Variants in AUTS2 observed in about 807,000 individuals in gnomAD.
AUTS2 encodes autism susceptibility gene 2 protein.
AUTS2 carries 17 observed loss-of-function variants against 112.4 expected under a neutral mutation model. The observed-to-expected ratio is 0.15, with a 90% CI of 0.10 to 0.23. The LOEUF (loss-of-function observed/expected upper bound fraction) is 0.23. Among genes scored for constraint, AUTS2 ranks in the 10% least tolerant of loss-of-function variants. The probability of loss-of-function intolerance (pLI) is 1.00; values close to 1 mark genes in which losing one functional copy is unlikely to be tolerated. For missense variants in AUTS2, 1,510 were observed against 1,701.6 expected (o/e 0.89, Z 1.98); for synonymous variants, 751 against 702.7 (o/e 1.07, Z -1.09).
chr7:70,770,962 G>C (rs971997667), intron 10 of AUTS2, among the ~76,000 whole-genome samples: 1 of 147,494 alleles, frequency 6.8e-6, no homozygotes, highest in Admixed American at 6.8e-5. Flanking sequence ...ACAAATATTT[G>C]TCATTATTTT....
At chr7:70,518,272 C>T (rs1301597289) in intron 5 of AUTS2, among the ~76,000 whole-genome samples, 1 of 152,020 alleles carries the variant, frequency 6.6e-6, no homozygotes, top group East Asian at 1.9e-4. Context: ...AATCAGGACG[C>T]AGGGGAGAAG....
chr7:70,352,837 T>A (rs1791829614), intron 4 of AUTS2, among the ~76,000 whole-genome samples: 1 of 152,138 alleles, frequency 6.6e-6, no homozygotes, highest in South Asian at 2.1e-4. Context: ...TAGGTAGGCA[T>A]GGGAAATTCC....
intron 4 of AUTS2, among the ~76,000 whole-genome samples, chr7:70,395,164 T>C (rs2129904574): frequency 6.6e-6 from 1 of 152,048 alleles, no homozygotes; most frequent in East Asian, 2.0e-4. Flanking sequence ...AGTTCTGTTA[T>C]AGCCTAAGGT....
intron 2 of AUTS2, among the ~76,000 whole-genome samples, chr7:69,934,944 T>C (rs900486343): frequency 2.0e-5 from 3 of 152,168 alleles, no homozygotes; most frequent in African/African-American, 7.2e-5. Flanking sequence ...GTGCATTACC[T>C]TTTGAGTTTT....
At chr7:70,171,908 G>GT (rs1562760633) in intron 4 of AUTS2, among the ~76,000 whole-genome samples, 9 of 151,274 alleles carry the variant, frequency 5.9e-5, no homozygotes, top group African/African-American at 1.9e-4. Context: ...TTTTTTTTGG[G>GT]GGGGGGTAGT....
chr7:70,227,147 A>G (rs534209553), intron 4 of AUTS2, among the ~76,000 whole-genome samples: 1 of 152,158 alleles, frequency 6.6e-6, no homozygotes, highest in Non-Finnish European at 1.5e-5. Context: ...CATTTAATAC[A>G]GTCTTATATG....
At chr7:70,220,395 G>A (rs1443875691) in intron 4 of AUTS2, among the ~76,000 whole-genome samples, 3 of 152,156 alleles carry the variant, frequency 2.0e-5, no homozygotes, top group East Asian at 1.9e-4. Flanking sequence ...AGTATCAGAC[G>A]TGTGTTAGGC....
At chr7:70,526,396 G>A (rs1275438287) in intron 5 of AUTS2, among the ~76,000 whole-genome samples, 4 of 152,180 alleles carry the variant, frequency 2.6e-5, no homozygotes, top group Admixed American at 2.6e-4. Context: ...CTGAGGCCGT[G>A]TGCGGTGGCT....
intron 5 of AUTS2, among the ~76,000 whole-genome samples, chr7:70,540,092 G>A (rs1289001256): frequency 6.6e-6 from 1 of 152,104 alleles, no homozygotes; most frequent in Non-Finnish European, 1.5e-5. Flanking sequence ...TCAGGGAAAA[G>A]GAGCTCTTGG....
chr7:70,340,092 A>C (rs551060517), intron 4 of AUTS2, among the ~76,000 whole-genome samples: 39 of 152,076 alleles, frequency 2.6e-4, no homozygotes, highest in African/African-American at 8.0e-4. Flanking sequence ...GGGGATAATA[A>C]TACATACATA....
intron 1 of AUTS2, among the ~76,000 whole-genome samples, chr7:69,840,875 A>G (rs1488110556): frequency 6.6e-6 from 1 of 152,230 alleles, no homozygotes; most frequent in Non-Finnish European, 1.5e-5. Context: ...GATACAGAAT[A>G]TCAGCATTTG....
intron 5 of AUTS2, among the ~76,000 whole-genome samples, chr7:70,469,397 T>C (rs1797291143): frequency 6.6e-6 from 1 of 152,054 alleles, no homozygotes; most frequent in Non-Finnish European, 1.5e-5. Context: ...CCCACAAATC[T>C]GGGGGAAAAC....
chr7:70,533,487 C>G (rs1384399315), intron 5 of AUTS2, among the ~76,000 whole-genome samples: 1 of 152,148 alleles, frequency 6.6e-6, no homozygotes, highest in African/African-American at 2.4e-5. Flanking sequence ...TGAGAGAACC[C>G]TGGCTCTATG....
At chr7:70,695,451 C>G (rs1468658100) in intron 5 of AUTS2, among the ~76,000 whole-genome samples, 1 of 152,234 alleles carries the variant, frequency 6.6e-6, no homozygotes, top group Non-Finnish European at 1.5e-5. Flanking sequence ...GGCCCGCACC[C>G]GGTGCCAAGG....
chr7:69,886,644 T>C (rs1794283948), intron 1 of AUTS2, among the ~76,000 whole-genome samples: 2 of 152,162 alleles, frequency 1.3e-5, no homozygotes, highest in African/African-American at 4.8e-5. Flanking sequence ...AATGGGCCAC[T>C]CTGTGAAGTA....
chr7:69,720,954 A>G (rs1798899206), intron 1 of AUTS2, among the ~76,000 whole-genome samples: 1 of 152,216 alleles, frequency 6.6e-6, no homozygotes, highest in South Asian at 2.1e-4. Flanking sequence ...AGAAAGCGGT[A>G]GAAGATTGAG....
At chr7:70,636,794 G>A (rs1323763279) in intron 5 of AUTS2, among the ~76,000 whole-genome samples, 2 of 151,818 alleles carry the variant, frequency 1.3e-5, no homozygotes. Flanking sequence ...CTACAGGCAT[G>A]CACTACCATG....
chr7:69,612,613 C>A (rs1001428648), intron 1 of AUTS2, among the ~76,000 whole-genome samples: 1 of 152,128 alleles, frequency 6.6e-6, no homozygotes, highest in Non-Finnish European at 1.5e-5. Context: ...GCGCGTCTCA[C>A]CACGCCTGGC....
intron 2 of AUTS2, among the ~76,000 whole-genome samples, chr7:70,036,070 G>GTT (rs1264375199): frequency 1.3e-5 from 2 of 152,230 alleles, no homozygotes; most frequent in African/African-American, 4.8e-5. Flanking sequence ...ATCCCTGGCA[G>GTT]TTTAAATGAC....
Sources: gnomAD v4.1 joint callset for allele counts (sites outside exome capture counted in the v4.1 genomes callset) on GRCh38, gnomAD v4.1.1 for gene constraint, MANE v1.5 for transcripts, NCBI Gene and HGNC (gene_info 2026-07-23, HGNC 2026-07-21) for gene names.